Variants in STN1 observed in about 807,000 individuals in gnomAD.
STN1 encodes STN1 subunit of CST complex.
A neutral mutation model predicts 45.5 loss-of-function variants in STN1; 29 were observed. The ratio of observed to expected loss-of-function variants is 0.64; its 90% CI spans 0.47 to 0.87. The LOEUF (loss-of-function observed/expected upper bound fraction) is 0.87. Ranked by LOEUF, STN1 falls within the 40% of genes least tolerant of loss-of-function variation. The pLI, the probability that STN1 is intolerant of heterozygous loss-of-function variation, is 0.00. For missense variants in STN1, 376 were observed against 441.4 expected (o/e 0.85, Z 1.33); for synonymous variants, 148 against 159.0 (o/e 0.93, Z 0.52).
At chr10:103,887,033 T>C (rs982590460) in intron 9 of STN1, among the ~76,000 whole-genome samples, 1 of 152,202 alleles carries the variant, frequency 6.6e-6, no homozygotes, top group African/African-American at 2.4e-5. Context: ...GAGACACTCA[T>C]AAATGACTTC....
At chr10:103,886,508 C>T (rs1843104425) in intron 9 of STN1, among the ~76,000 whole-genome samples, 1 of 151,786 alleles carries the variant, frequency 6.6e-6, no homozygotes, top group Admixed American at 6.6e-5. Context: ...TGTACCCATA[C>T]TGAAAGCCAA....
rs879408039 is a variant in STN1, at chr10:103,913,452, G to GA, written c.134-2831dup. Among the ~76,000 whole-genome samples the GA allele has an allele frequency of 3.9e-3, 553 of 142,546 alleles. 6 individuals are homozygous for GA. Among genetic ancestry groups the GA allele is most frequent in the African/African-American group, 0.012 (467 of 38,952 alleles). The allele number at this position is 142,546 out of a possible 152,430, so 93.5% of individuals were successfully genotyped here. A position where few individuals can be genotyped will look rare whatever the true frequency, so the allele number is the denominator to read the frequency against. On this transcript the variant is annotated intron_variant, in intron 2 of 9. Transcript: ENST00000224950. ...ACCCTTCCAGTTCCAAGTGGCTGAT[G>GA]AAAAAAAAAAAATCTTAAAAGCATC...
Position 103,900,135 on chromosome 10 carries a change from G to C in STN1, c.384C>G (p.Ile128Met). The C allele has an allele frequency of 6.2e-7, 1 of 1,614,090 alleles. No homozygotes were observed. Among genetic ancestry groups the C allele is most frequent in the East Asian group, 2.2e-5 (1 of 44,876 alleles). ...ETIEQKTKIE[I>M]GDTIRVRGSI... The stretch of plus-strand genomic sequence containing the variant: ...TGCCTCTGACTCGGATCGTGTCCCC[G>C]ATCTCTATCTTTGTTTTCTGCTCAA... Residue 128 changes from isoleucine (I) to methionine (M), a missense_variant, in exon 5 of 10, where the codon ATC (isoleucine) becomes ATG (methionine). Coordinates refer to ENST00000224950, the MANE Select transcript of STN1 (RefSeq NM_024928.5).
chr10:103,888,561 C>T (rs1843118299), intron 9 of STN1, among the ~76,000 whole-genome samples: 1 of 152,200 alleles, frequency 6.6e-6, no homozygotes, highest in Non-Finnish European at 1.5e-5. Context: ...TCCAAGATGA[C>T]TGAATTACAC....
At position 103,882,815 on chromosome 10, in the gene STN1, G is replaced by T; in HGVS notation, c.976C>A (p.His326Asn). The change falls in exon 10 of 10, where the codon CAC becomes AAC. Residue 326 changes from histidine (H) to asparagine (N), a missense_variant. Physicochemically the swap from His to Asn is moderately conservative, Grantham distance 68. Coordinates refer to ENST00000224950, the MANE Select transcript of STN1 (RefSeq NM_024928.5). ...CTCAGGCGAGCACAGGCCAAGATGT[G>T]CAGGAAGTGACAGCCCTTCTCCATG... is the stretch of plus-strand genomic sequence containing the variant. ...NHMEKGCHFL[H>N]ILACARLSIR... is the part of the protein sequence containing the mutation. 1 of 1,613,416 alleles carries T rather than the reference G, an allele frequency of 6.2e-7. No homozygotes were observed. The highest frequency in any genetic ancestry group is 2.2e-5 in the East Asian group (1 of 44,882).
chr10:103,906,278 TAAAG>T (rs901624246), intron 3 of STN1, among the ~76,000 whole-genome samples: 12 of 152,150 alleles, frequency 7.9e-5, no homozygotes, highest in Admixed American at 7.9e-4. Flanking sequence ...CAGAACTCAT[TAAAG>T]AAAGTCTGAT....
intron 9 of STN1, among the ~76,000 whole-genome samples, chr10:103,887,287 A>G (rs1299941084): frequency 6.6e-6 from 1 of 152,246 alleles, no homozygotes; most frequent in Non-Finnish European, 1.5e-5. Flanking sequence ...TCGTCGGCTA[A>G]ACTTCACTTG....
chr10:103,915,078 C>T (rs994568588), intron 2 of STN1, among the ~76,000 whole-genome samples: 1 of 152,174 alleles, frequency 6.6e-6, no homozygotes, highest in African/African-American at 2.4e-5. Context: ...TCAGGGCCAG[C>T]CAAATGAAGA....
At position 103,879,960 on chromosome 10, in the gene STN1, A is replaced by C. The variant is rs554645132; in HGVS notation, c.*2724T>G. On this transcript the variant is annotated 3_prime_UTR_variant, in exon 10 of 10. Transcript: ENST00000224950. Reference sequence around the variant, plus strand: ...GTGGCACAGGATTTTTTTCTCGGTCACTTTGCAAGCCAGGGACCTCTGGCT... The same window carrying C: ...GTGGCACAGGATTTTTTTCTCGGTCCCTTTGCAAGCCAGGGACCTCTGGCT... Among the ~76,000 whole-genome samples the C allele has an allele frequency of 6.6e-6, 1 of 152,314 alleles. No individual in the cohort carries two copies. Among genetic ancestry groups the C allele is most frequent in the East Asian group, 1.9e-4 (1 of 5,186 alleles).
In STN1 at chr10:103,878,180, G is replaced by A. The variant is rs917997895; in HGVS notation, c.*4504C>T. On this transcript the variant is annotated 3_prime_UTR_variant, in exon 10 of 10. Coordinates refer to ENST00000224950, the MANE Select transcript of STN1 (RefSeq NM_024928.5). ...CTTCAAACAAATCCTTGACCAGACA[G>A]TAGCACTATTTGTCTTCTTGCCTAC... 1.3e-5 allele frequency: 2 copies of A among 152,238 alleles called. No individual in the cohort carries two copies. Among genetic ancestry groups the A allele is most frequent in the Non-Finnish European group, 2.9e-5 (2 of 68,052 alleles). The allele number at this position is 152,238 out of a possible 1,614,324, so 9.4% of individuals were successfully genotyped here.
chr10:103,910,472 G>A (rs974417025), intron 3 of STN1, 55 bp downstream of exon 3: 1 of 1,223,442 alleles, frequency 8.2e-7, no homozygotes, highest in Admixed American at 1.7e-5. Context: ...CCAACTTTCA[G>A]CCCAGAAGGG....
Position 103,897,682 on chromosome 10 carries a change from A to C in STN1, c.619T>G (p.Leu207Val), listed in dbSNP as rs780152012. The change falls in exon 7 of 10, where the codon TTG (leucine) becomes GTG (valine). Residue 207 changes from leucine (L) to valine (V), a missense_variant. Physicochemically the swap from Leu to Val is conservative, Grantham distance 32. Transcript: ENST00000224950. The part of the protein sequence containing the change: ...GALDLPSLTS[L>V]LSEKAKEFLM... ...AATTCTTTGGCTTTTTCACTCAGCA[A>C]ACTCGTGAGACTGGGGAGGTCCAGG... 3.7e-6 allele frequency: 6 copies of C among 1,614,066 alleles called. No homozygotes were observed. The highest frequency in any genetic ancestry group is 5.1e-6 in the Non-Finnish European group (6 of 1,180,024).
At chr10:103,910,888 T>TG (rs1843285646) in intron 2 of STN1, among the ~76,000 whole-genome samples, 1 of 152,148 alleles carries the variant, frequency 6.6e-6, no homozygotes, top group Non-Finnish European at 1.5e-5. Context: ...ATTTGGTTAA[T>TG]GCACCCTGTT....
At chr10:103,889,695 CTTTTTTTTTTTTTTT>C (rs58738841) in intron 8 of STN1, among the ~76,000 whole-genome samples, 2 of 122,098 alleles carry the variant, frequency 1.6e-5, no homozygotes, top group East Asian at 2.7e-4. Flanking sequence ...TTTCTTTTTC[CTTTTTTTTTTTTTTT>C]TTTTTTTTTG....
chr10:103,912,892 A>G (rs1293754098), intron 2 of STN1, among the ~76,000 whole-genome samples: 4 of 152,236 alleles, frequency 2.6e-5, no homozygotes, highest in Non-Finnish European at 5.9e-5. Context: ...GACACTCCAC[A>G]GGGTCTGTTG....
intron 9 of STN1, among the ~76,000 whole-genome samples, chr10:103,885,865 G>A (rs1415895700): frequency 6.6e-6 from 1 of 152,114 alleles, no homozygotes; most frequent in Non-Finnish European, 1.5e-5. Context: ...ATCTTATGAC[G>A]GATCACTATG....
chr10:103,889,581 GAAAAA>G (rs35804344), intron 8 of STN1, among the ~76,000 whole-genome samples: 1 of 111,628 alleles, frequency 9.0e-6, no homozygotes. Context: ...AATAAAAGGA[GAAAAA>G]AAAAAAAAAA....
rs904783666 is a variant in STN1 at position 103,894,764 on chromosome 10, G to A, written c.754-2512C>T. Among the ~76,000 whole-genome samples, 4 of 150,654 alleles carry A rather than the reference G, an allele frequency of 2.7e-5. No homozygotes were observed. In the South Asian group the frequency reaches 8.4e-4, roughly 32 times the overall value. ...AACGTGCTGAGCTTTACCAAGCCTC[G>A]CCTCATCTCAGGTCAGGAACTGGGT... On this transcript the variant is annotated intron_variant, in intron 7 of 9. Coordinates refer to ENST00000224950, the MANE Select transcript of STN1 (RefSeq NM_024928.5).
intron 7 of STN1, among the ~76,000 whole-genome samples, chr10:103,896,660 G>A (rs1843172899): frequency 6.6e-6 from 1 of 151,634 alleles, no homozygotes; most frequent in Non-Finnish European, 1.5e-5. Context: ...CACTCCGGGT[G>A]ACAGTCAGGG....
Sources: allele counts gnomAD v4.1 joint callset (sites outside exome capture counted in the v4.1 genomes callset), GRCh38; gene constraint gnomAD v4.1.1; transcripts MANE v1.5; gene names NCBI Gene and HGNC (gene_info 2026-07-23, HGNC 2026-07-21).